The following TMEM267 variants were observed in gnomAD, a reference collection of about 807,000 sequenced individuals.
The protein encoded by TMEM267 is transmembrane protein 267.
Under a neutral mutation model 19.3 loss-of-function variants are expected in TMEM267, and 20 were observed. The observed-to-expected ratio is 1.04, with a 90% CI of 0.73 to 1.51. The LOEUF is 1.51. Among genes scored for constraint, TMEM267 ranks in the 40% most tolerant of loss-of-function variants. The probability of loss-of-function intolerance (pLI) is 0.00; values close to 1 mark genes in which losing one functional copy is unlikely to be tolerated. For synonymous variants in TMEM267, 88 were observed against 90.3 expected (o/e 0.97, Z 0.15); for missense variants, 242 against 261.9 (o/e 0.92, Z 0.52).
intron 1 of TMEM267, among the ~76,000 whole-genome samples, chr5:43,469,886 C>T (rs555747331): frequency 3.3e-5 from 5 of 152,300 alleles, no homozygotes; most frequent in South Asian, 4.1e-4. Context: ...GCGATGTAAA[C>T]GGATGGCTTA....
intron 1 of TMEM267, among the ~76,000 whole-genome samples, chr5:43,462,987 A>C (rs921962478): frequency 6.6e-6 from 1 of 152,166 alleles, no homozygotes; most frequent in Non-Finnish European, 1.5e-5. Flanking sequence ...TCAAAAAATT[A>C]ATGAATCCAG....
At position 43,464,361 on chromosome 5, in the gene TMEM267, G is replaced by T. The variant is rs549049532; in HGVS notation, c.-74-10318C>A. Among the ~76,000 whole-genome samples the T allele has an allele frequency of 3.3e-5, 5 of 152,218 alleles. No individual in the cohort carries two copies. The East Asian group carries it at 9.6e-4, about 29-fold the overall frequency. ...CTCATGGGTAGGAAGAATCAATATC[G>T]TGAAAATGGCCATACTGCCCAAGGT... is the stretch of plus-strand genomic sequence containing the variant. On this transcript the variant is annotated intron_variant, in intron 1 of 2. Coordinates refer to ENST00000397080, the MANE Select transcript of TMEM267 (RefSeq NM_022483.5).
intron 1 of TMEM267, among the ~76,000 whole-genome samples, chr5:43,474,227 A>C (rs942864022): frequency 3.9e-5 from 6 of 152,258 alleles, no homozygotes; most frequent in African/African-American, 1.4e-4. Context: ...TGTTACCAAA[A>C]GCAATGGCAA....
chr5:43,453,117 GT>G (rs1742713228), intron 2 of TMEM267, among the ~76,000 whole-genome samples: 1 of 152,214 alleles, frequency 6.6e-6, no homozygotes, highest in South Asian at 2.1e-4. Context: ...AGCCAGTCCA[GT>G]TGAAATACAT....
chr5:43,452,801 C>T (rs762518749), intron 2 of TMEM267, among the ~76,000 whole-genome samples: 8 of 152,092 alleles, frequency 5.3e-5, no homozygotes, highest in Admixed American at 1.3e-4. Context: ...TGGTACTTGA[C>T]GCATAATAGG....
In TMEM267 at chr5:43,446,227, C is replaced by T; in HGVS notation, c.643G>A (p.Val215Ile). Residue 215 changes from valine (V) to isoleucine (I), a missense_variant, in exon 3 of 3, where the codon GTC becomes ATC. By Grantham distance (29) the Val-to-Ile change is conservative. Transcript: ENST00000397080. ...CTCTAAGACTGCCGTGTACCTCAGA[C>T]ATCAATACGAACTCCATGTTTTGAA... ...MSSKHGVRIDV is the reference protein window; with the variant it reads ...MSSKHGVRIDI The T allele has an allele frequency of 1.2e-6, 2 of 1,604,970 alleles. No homozygotes were observed. The highest frequency in any genetic ancestry group is 1.7e-6 in the Non-Finnish European group (2 of 1,172,606).
chr5:43,473,073 G>A (rs1355502988), intron 1 of TMEM267, among the ~76,000 whole-genome samples: 2 of 144,030 alleles, frequency 1.4e-5, no homozygotes, highest in African/African-American at 5.3e-5. Flanking sequence ...AGGAGGCGGA[G>A]GTTGCAGCAA....
intron 1 of TMEM267, among the ~76,000 whole-genome samples, chr5:43,476,513 T>A (rs375376667): frequency 4.4e-4 from 61 of 138,360 alleles, no homozygotes; most frequent in African/African-American, 1.6e-3. Flanking sequence ...CAGACCTTTT[T>A]TTTTTTTTTT....
intron 2 of TMEM267, among the ~76,000 whole-genome samples, chr5:43,448,505 A>G (rs1742384256): frequency 6.6e-6 from 1 of 152,100 alleles, no homozygotes; most frequent in Admixed American, 6.6e-5. Flanking sequence ...AGCCAGGTGG[A>G]GTGGCTCACG....
intron 1 of TMEM267, among the ~76,000 whole-genome samples, chr5:43,465,182 T>C (rs1743569959): frequency 6.6e-6 from 1 of 152,216 alleles, no homozygotes; most frequent in South Asian, 2.1e-4. Context: ...AAGACATTTA[T>C]GCAGCCAAAA....
chr5:43,454,675 T>TA (rs1283426645), intron 1 of TMEM267: 2 of 152,306 alleles, frequency 1.3e-5, no homozygotes, highest in Admixed American at 1.3e-4. Flanking sequence ...AGTGAGTACT[T>TA]ATGTCCAACG....
intron 1 of TMEM267, among the ~76,000 whole-genome samples, chr5:43,474,194 G>C (rs984327825): frequency 2.0e-5 from 3 of 152,150 alleles, no homozygotes; most frequent in African/African-American, 7.2e-5. Context: ...TAGGACACAG[G>C]CATGGGCAAA....
intron 1 of TMEM267, among the ~76,000 whole-genome samples, chr5:43,456,254 A>G (rs562078806): frequency 2.0e-4 from 31 of 152,374 alleles, no homozygotes; most frequent in African/African-American, 7.0e-4. Flanking sequence ...ACCTGAATCT[A>G]TATCTTACTC....
intron 1 of TMEM267, among the ~76,000 whole-genome samples, chr5:43,467,998 C>A (rs959266027): frequency 6.6e-6 from 1 of 151,938 alleles, no homozygotes; most frequent in Middle Eastern, 3.2e-3. Flanking sequence ...TAGAAAAATG[C>A]CACATTTTGA....
At chr5:43,471,734 A>T (rs1313794781) in intron 1 of TMEM267, among the ~76,000 whole-genome samples, 1 of 152,250 alleles carries the variant, frequency 6.6e-6, no homozygotes, top group Non-Finnish European at 1.5e-5. Context: ...AAAACTAGAT[A>T]TCTATATGCA....
intron 1 of TMEM267, among the ~76,000 whole-genome samples, chr5:43,455,284 G>A (rs1364326695): frequency 1.3e-5 from 2 of 151,864 alleles, no homozygotes; most frequent in Non-Finnish European, 2.9e-5. Context: ...TTAGCTAGGC[G>A]TGGTGGTGCA....
At position 43,448,123 on chromosome 5, in the gene TMEM267, C is replaced by T. The variant is rs368294813; in HGVS notation, c.313-1566G>A. Reference sequence around the variant, plus strand: ...CTTGTCCCACTGTCAAATCAGACCACCCTTGAACAAGGAATCCTATAAACC... The same window carrying T: ...CTTGTCCCACTGTCAAATCAGACCATCCTTGAACAAGGAATCCTATAAACC... On this transcript the variant is annotated intron_variant, in intron 2 of 2. Transcript: ENST00000397080. Among the ~76,000 whole-genome samples, 3 of 152,344 alleles carry T rather than the reference C, an allele frequency of 2.0e-5. 1 individual carries two copies. The highest frequency in any genetic ancestry group is 4.8e-5 in the African/African-American group (2 of 41,576).
intron 1 of TMEM267, among the ~76,000 whole-genome samples, chr5:43,474,887 G>C (rs929795879): frequency 1.3e-5 from 2 of 152,206 alleles, no homozygotes; most frequent in African/African-American, 4.8e-5. Flanking sequence ...ACAGATGCTG[G>C]AGAGGATGTG....
intron 1 of TMEM267, among the ~76,000 whole-genome samples, chr5:43,469,012 T>G (rs1743913144): frequency 6.6e-6 from 1 of 152,154 alleles, no homozygotes; most frequent in Non-Finnish European, 1.5e-5. Context: ...ATTTAAAAAT[T>G]TCTTGAAACA....
Sources: gnomAD v4.1 joint callset for allele counts (sites outside exome capture counted in the v4.1 genomes callset) on GRCh38, gnomAD v4.1.1 for gene constraint, MANE v1.5 for transcripts, NCBI Gene and HGNC (gene_info 2026-07-23, HGNC 2026-07-21) for gene names.